Variants in IRAK1BP1 observed in about 807,000 individuals in gnomAD.
IRAK1BP1 encodes interleukin-1 receptor-associated kinase 1-binding protein 1.
Under a neutral mutation model 28.0 loss-of-function variants are expected in IRAK1BP1, and 24 were observed. The ratio of observed to expected loss-of-function variants is 0.86; its 90% CI spans 0.62 to 1.20. IRAK1BP1 has a LOEUF of 1.20. Among genes scored for constraint, IRAK1BP1 ranks in the 50% most tolerant of loss-of-function variants. IRAK1BP1 has a pLI of 0.00. For missense variants in IRAK1BP1, 336 were observed against 316.7 expected (o/e 1.06, Z -0.46); for synonymous variants, 131 against 116.3 (o/e 1.13, Z -0.81).
chr6:78,926,360 T>C (rs991161184), intron 4 of IRAK1BP1, among the ~76,000 whole-genome samples: 1 of 152,158 alleles, frequency 6.6e-6, no homozygotes, highest in East Asian at 1.9e-4. Context: ...AAAAGACACA[T>C]GCACTTGTAT....
intron 4 of IRAK1BP1, among the ~76,000 whole-genome samples, chr6:78,911,317 T>C (rs970092810): frequency 1.3e-5 from 2 of 152,146 alleles, no homozygotes; most frequent in Non-Finnish European, 2.9e-5. Context: ...CTCCTGATGG[T>C]CAAAGGGACC....
At chr6:78,913,035 C>A (rs1161631600) in intron 4 of IRAK1BP1, among the ~76,000 whole-genome samples, 1 of 152,038 alleles carries the variant, frequency 6.6e-6, no homozygotes, top group Non-Finnish European at 1.5e-5. Context: ...ATGATTGATT[C>A]CATAAAAGTA....
chr6:78,966,277 A>AT, the IRAK1BP1 span, among the ~76,000 whole-genome samples: 1 of 152,188 alleles, frequency 6.6e-6, no homozygotes, highest in Non-Finnish European at 1.5e-5. Flanking sequence ...TTTCAATTCT[A>AT]TTTTTTATAT....
At chr6:78,957,060 C>T in the IRAK1BP1 span, 1 of 151,964 alleles carries the variant, frequency 6.6e-6, no homozygotes, top group African/African-American at 2.4e-5. Context: ...AAACTATACA[C>T]ATCTAAAAAA....
chr6:78,868,775 C>T (rs748517548), intron 1 of IRAK1BP1, among the ~76,000 whole-genome samples: 27 of 152,112 alleles, frequency 1.8e-4, no homozygotes, highest in South Asian at 4.1e-4. Context: ...TCCAATTCTG[C>T]CGATAATTAG....
At chr6:78,903,610 G>A (rs896845555), downstream of IRAK1BP1, among the ~76,000 whole-genome samples, 8 of 151,618 alleles carry the variant, frequency 5.3e-5, no homozygotes, top group Non-Finnish European at 1.2e-4. Flanking sequence ...GGTGGCAGGT[G>A]AAAGTTCTAA....
chr6:78,887,983 G>A (rs1771491882), intron 2 of IRAK1BP1, among the ~76,000 whole-genome samples: 2 of 151,242 alleles, frequency 1.3e-5, no homozygotes, highest in South Asian at 4.2e-4. Flanking sequence ...AATGGATAAA[G>A]AAAATGTGTT....
intron 1 of IRAK1BP1, among the ~76,000 whole-genome samples, chr6:78,885,138 A>G (rs1458017140): frequency 6.6e-6 from 1 of 152,128 alleles, no homozygotes; most frequent in African/African-American, 2.4e-5. Context: ...CTTTATACAA[A>G]TTGAAAAGAA....
intron 4 of IRAK1BP1, among the ~76,000 whole-genome samples, chr6:78,915,886 A>G (rs1772547631): frequency 6.6e-6 from 1 of 152,198 alleles, no homozygotes; most frequent in Non-Finnish European, 1.5e-5. Context: ...TGGCAATTCA[A>G]TTAAAAGTAA....
the IRAK1BP1 span, chr6:78,956,249 G>T: frequency 1.3e-5 from 2 of 151,952 alleles, no homozygotes; most frequent in East Asian, 3.9e-4. Flanking sequence ...ACAGTAATGG[G>T]AATCTTGGTT....
intron 4 of IRAK1BP1, among the ~76,000 whole-genome samples, chr6:78,920,653 A>C (rs1772698427): frequency 6.6e-6 from 1 of 152,214 alleles, no homozygotes; most frequent in Non-Finnish European, 1.5e-5. Context: ...ATTTGAAGAC[A>C]TAAATGTAAA....
At chr6:78,963,042 T>C in the IRAK1BP1 span, 361 of 1,481,040 alleles carry the variant, frequency 2.4e-4, 1 homozygote, top group Middle Eastern at 6.1e-3. Context: ...ACAGTATTTT[T>C]CCATTACTTT....
At position 78,932,420 on chromosome 6, in the gene IRAK1BP1, TC is replaced by T. The variant is rs1476043190; in HGVS notation, c.*68-12987del. Among the ~76,000 whole-genome samples the T allele has an allele frequency of 1.4e-4, 17 of 125,624 alleles. No homozygotes were observed. In the East Asian group the frequency reaches 3.1e-3, roughly 23 times the overall value. The allele number at this position is 125,624 out of a possible 152,430, so 82.4% of individuals were successfully genotyped here. A position where few individuals can be genotyped will look rare whatever the true frequency, so the allele number is the denominator to read the frequency against. On this transcript the variant is annotated intron_variant and NMD_transcript_variant, in intron 4 of 4. Transcript: ENST00000606868. Reference sequence around the variant, plus strand: ...AACATGTATTTCTTTTCTTTCTTTTTCTTTTTTTTTTTTTTTTTGAGATGGA... The same window carrying T: ...AACATGTATTTCTTTTCTTTCTTTTTTTTTTTTTTTTTTTTTTGAGATGGA...
intron 2 of IRAK1BP1, among the ~76,000 whole-genome samples, chr6:78,895,673 C>T: frequency 6.6e-6 from 1 of 152,090 alleles, no homozygotes. Flanking sequence ...AGAAGAAGCA[C>T]TTAACAAAGT....
chr6:78,880,094 C>T (rs1771170484), intron 1 of IRAK1BP1, among the ~76,000 whole-genome samples: 1 of 151,982 alleles, frequency 6.6e-6, no homozygotes, highest in Non-Finnish European at 1.5e-5. Context: ...GATTGCCTTT[C>T]CCAACAGTAA....
intron 1 of IRAK1BP1, among the ~76,000 whole-genome samples, chr6:78,873,662 G>C (rs1770881258): frequency 6.6e-6 from 1 of 151,842 alleles, no homozygotes; most frequent in Admixed American, 6.6e-5. Flanking sequence ...ATAGAGACGG[G>C]GTCTTACTAT....
At chr6:78,886,211 T>C (rs927187439) in intron 2 of IRAK1BP1, among the ~76,000 whole-genome samples, 3 of 152,168 alleles carry the variant, frequency 2.0e-5, no homozygotes, top group African/African-American at 7.2e-5. Flanking sequence ...ATTATTTTTC[T>C]GACTTTAAAG....
intron 2 of IRAK1BP1, among the ~76,000 whole-genome samples, chr6:78,891,478 T>TG (rs1487067184): frequency 1.3e-5 from 2 of 151,772 alleles, no homozygotes; most frequent in Non-Finnish European, 2.9e-5. Context: ...TTTTTTTTTT[T>TG]GAGACGAAGT....
At chr6:78,932,421 C>CTTTCTTTCT (rs750354203) in intron 4 of IRAK1BP1, among the ~76,000 whole-genome samples, 1 of 123,702 alleles carries the variant, frequency 8.1e-6, no homozygotes, top group Admixed American at 9.2e-5. Flanking sequence ...CTTTCTTTTT[C>CTTTCTTTCT]TTTTTTTTTT....
Sources: gnomAD v4.1 joint callset for allele counts (sites outside exome capture counted in the v4.1 genomes callset) on GRCh38, gnomAD v4.1.1 for gene constraint, MANE v1.5 for transcripts, NCBI Gene and HGNC (gene_info 2026-07-23, HGNC 2026-07-21) for gene names.